Variants in CERS3 observed in about 807,000 individuals in gnomAD.
CERS3 encodes LAG1 homolog, ceramide synthase 3.
In CERS3, 33 loss-of-function variants were observed where a neutral mutation model predicts 50.3. The observed-to-expected ratio is 0.66, with a 90% CI of 0.50 to 0.88. The LOEUF is 0.88. Ranked by LOEUF, CERS3 falls within the 40% of genes least tolerant of loss-of-function variation. The probability of loss-of-function intolerance (pLI) is 0.00; values close to 1 mark genes in which losing one functional copy is unlikely to be tolerated. For synonymous variants in CERS3, 176 were observed against 155.2 expected, an observed-to-expected ratio of 1.13 and a Z score of -0.99; for missense variants, 470 against 460.3, an observed-to-expected ratio of 1.02 and a Z score of -0.19.
intron 1 of CERS3, among the ~76,000 whole-genome samples, chr15:100,539,061 A>G (rs768198813): frequency 2.6e-5 from 4 of 152,140 alleles, no homozygotes; most frequent in Non-Finnish European, 4.4e-5. Context: ...AGGGCAGGGG[A>G]AAAATGCCAC....
chr15:100,414,724 A>G (rs774350346), intron 11 of CERS3, among the ~76,000 whole-genome samples: 12 of 152,128 alleles, frequency 7.9e-5, no homozygotes, highest in Non-Finnish European at 1.6e-4. Context: ...CTGGCCAGCC[A>G]TATGCAAACT....
At chr15:100,497,852 TACACACAC>T (rs57343426) in intron 3 of CERS3, among the ~76,000 whole-genome samples, 3,698 of 108,660 alleles carry the variant, frequency 0.034, 108 homozygotes, top group South Asian at 0.079. Flanking sequence ...ACCTATCTCT[TACACACAC>T]ACACACACAC....
At chr15:100,488,693 T>A (rs2035556757) in intron 4 of CERS3, among the ~76,000 whole-genome samples, 1 of 152,198 alleles carries the variant, frequency 6.6e-6, no homozygotes, top group Non-Finnish European at 1.5e-5. Flanking sequence ...AGTTTTTTAA[T>A]CTCAGAGCAA....
chr15:100,495,416 A>C (rs2142311440), intron 3 of CERS3, among the ~76,000 whole-genome samples: 1 of 152,316 alleles, frequency 6.6e-6, no homozygotes, highest in South Asian at 2.1e-4. Flanking sequence ...TGACTGTGAC[A>C]ATTTTTGCTA....
chr15:100,463,644 G>T (rs2034622644), intron 10 of CERS3, among the ~76,000 whole-genome samples: 1 of 152,074 alleles, frequency 6.6e-6, no homozygotes, highest in Admixed American at 6.6e-5. Context: ...CCCCTGTGGA[G>T]TGAGACAGTG....
chr15:100,468,706 T>C (rs2034864587), intron 10 of CERS3, among the ~76,000 whole-genome samples: 1 of 152,146 alleles, frequency 6.6e-6, no homozygotes, highest in Admixed American at 6.5e-5. Context: ...TTTCTGTCAA[T>C]CAACACATGG....
intron 11 of CERS3, among the ~76,000 whole-genome samples, chr15:100,437,138 T>C (rs2033452514): frequency 6.6e-6 from 1 of 151,932 alleles, no homozygotes; most frequent in Non-Finnish European, 1.5e-5. Flanking sequence ...GTAGAGACAG[T>C]GTTTCACCGT....
intron 11 of CERS3, among the ~76,000 whole-genome samples, chr15:100,407,990 G>T (rs963350971): frequency 1.3e-5 from 2 of 152,252 alleles, no homozygotes; most frequent in South Asian, 2.1e-4. Context: ...TCCTGCCTCA[G>T]CCCCCTGAGT....
chr15:100,524,397 G>T (rs561899733), intron 1 of CERS3, among the ~76,000 whole-genome samples: 1 of 152,298 alleles, frequency 6.6e-6, no homozygotes, highest in South Asian at 2.1e-4. Flanking sequence ...CGATTTTATA[G>T]TCATCATCTA....
chr15:100,476,027 C>T, intron 8 of CERS3, 59 bp downstream of exon 8: 2 of 1,131,658 alleles, frequency 1.8e-6, no homozygotes, highest in East Asian at 2.7e-5. Flanking sequence ...GAATTTGGGG[C>T]AGGGAGATGG....
chr15:100,455,938 C>G lies in CERS3; in HGVS notation c.954G>C (p.Trp318Cys). The part of the protein sequence containing the change: ...LMILQVLHLY[W>C]GYYILKMLNR... ...TGAGCATCTTCAAGATGTAATAACC[C>G]CAGTAAAGGTGAAGGACCTGCAAGA... The change falls in exon 11 of 12, where the codon TGG (tryptophan) becomes TGC (cysteine). Residue 318 changes from tryptophan to cysteine, a missense_variant. By Grantham distance (215) the Trp-to-Cys change is radical. Transcript: ENST00000679737. 6.2e-7 allele frequency: 1 copy of G among 1,612,826 alleles called. No homozygotes were observed. The highest frequency in any genetic ancestry group is 8.5e-7 in the Non-Finnish European group (1 of 1,179,324).
At chr15:100,532,365 T>G (rs1373279769), upstream of CERS3, among the ~76,000 whole-genome samples, 1 of 152,172 alleles carries the variant, frequency 6.6e-6, no homozygotes, top group African/African-American at 2.4e-5. Context: ...ACCGGCAAAA[T>G]TTTTGAGATT....
In CERS3 at chr15:100,441,119, C is replaced by A. The variant is rs1197862133; in HGVS notation, c.999+14774G>T. Among the ~76,000 whole-genome samples the A allele has an allele frequency of 2.6e-5, 4 of 152,122 alleles. No homozygotes were observed. The East Asian group carries it at 7.7e-4, about 29-fold the overall frequency. The stretch of plus-strand genomic sequence containing the variant: ...AACCCCGACCTCTTATCTCTGCGCC[C>A]TGATCCCTTATTTCCACACCCTGAC... On this transcript the variant is annotated intron_variant, in intron 11 of 11. Transcript: ENST00000679737.
At chr15:100,423,791 C>T (rs2032624416) in intron 11 of CERS3, among the ~76,000 whole-genome samples, 1 of 152,122 alleles carries the variant, frequency 6.6e-6, no homozygotes. Context: ...CCTACTCCAG[C>T]CATGTAAGAT....
intron 11 of CERS3, among the ~76,000 whole-genome samples, chr15:100,452,521 G>A (rs916624427): frequency 6.6e-6 from 1 of 152,008 alleles, no homozygotes; most frequent in Non-Finnish European, 1.5e-5. Flanking sequence ...TAAGAGGGAA[G>A]TTTATAGCAA....
chr15:100,541,853 T>C (rs1453999541), intron 1 of CERS3, among the ~76,000 whole-genome samples: 1 of 152,220 alleles, frequency 6.6e-6, no homozygotes, highest in Non-Finnish European at 1.5e-5. Flanking sequence ...AAAGCAGTTA[T>C]GACAACAGTA....
chr15:100,410,207 C>A (rs564477793), intron 11 of CERS3, among the ~76,000 whole-genome samples: 294 of 152,296 alleles, frequency 1.9e-3, no homozygotes, highest in Admixed American at 2.7e-3. Flanking sequence ...CCTTTGGTTA[C>A]ACAAAACGAC....
intron 4 of CERS3, among the ~76,000 whole-genome samples, chr15:100,488,190 A>G (rs1482607633): frequency 6.6e-6 from 1 of 152,204 alleles, no homozygotes; most frequent in African/African-American, 2.4e-5. Context: ...AGGCCTCATC[A>G]ATACCATGTT....
intron 2 of CERS3, among the ~76,000 whole-genome samples, chr15:100,502,993 A>T (rs1208847160): frequency 6.6e-6 from 1 of 152,270 alleles, no homozygotes; most frequent in African/African-American, 2.4e-5. Flanking sequence ...CAGACAAAGT[A>T]TTCAGACTAC....
Sources: allele counts gnomAD v4.1 joint callset (sites outside exome capture counted in the v4.1 genomes callset), GRCh38; gene constraint gnomAD v4.1.1; transcripts MANE v1.5; gene names NCBI Gene and HGNC (gene_info 2026-07-23, HGNC 2026-07-21).